The following EGR2 variants were observed in gnomAD, a reference collection of about 807,000 sequenced individuals.
The protein encoded by EGR2 is E3 SUMO-protein ligase EGR2.
A neutral mutation model predicts 21.2 loss-of-function variants in EGR2; 2 were observed. That is an observed-to-expected ratio of 0.09 (90% CI 0.04 to 0.30). The LOEUF is 0.30. EGR2 is among the 10% of genes least tolerant of loss of function. The pLI is 1.00. For missense variants in EGR2, 458 were observed against 630.2 expected (o/e 0.73, Z 2.93); for synonymous variants, 282 against 258.2 (o/e 1.09, Z -0.88).
chr10:62,814,468 T>C lies in EGR2; in HGVS notation c.170A>G (p.Asp57Gly). ...PFDQMNGVAG[D>G]GMINIDMTGE... ...AGTCATGTCAATGTTGATCATGCCA[T>C]CTGGGGAGGGGAAAGGCAGAATGGA... Residue 57 changes from aspartate (D) to glycine (G), a missense_variant and splice_region_variant, in exon 2 of 2, where the codon GAT (aspartate) becomes GGT (glycine). By Grantham distance (94) the Asp-to-Gly change is moderately conservative. This residue lies in a region of EGR2 where 91 missense variants were observed against 105.2 expected (regional missense o/e 0.87). Transcript: ENST00000242480. This position sits in a 1 kb window ranked among gnomAD's most constrained non-coding sequence, Gnocchi z 4.8. 1.2e-6 allele frequency: 2 copies of C among 1,613,984 alleles called. No homozygotes were observed. The highest frequency in any genetic ancestry group is 2.2e-5 in the South Asian group (2 of 91,080).
chr10:62,818,571 TG>T (rs1838309987), upstream of EGR2: 4 of 1,277,494 alleles, frequency 3.1e-6, no homozygotes, highest in African/African-American at 4.6e-5. Context: ...GCCTGCGCTC[TG>T]GCGGGTCCCG....
In EGR2 at chr10:62,813,167, C is replaced by G. The variant is rs765548102; in HGVS notation, c.*40G>C. The G allele has an allele frequency of 3.9e-6, 6 of 1,525,126 alleles. No homozygotes were observed. The South Asian group carries it at 6.5e-5, about 16-fold the overall frequency. The allele number at this position is 1,525,126 out of a possible 1,614,324, so 94.5% of individuals were successfully genotyped here. The stretch of plus-strand genomic sequence containing the variant: ...GCAGCTCCAGTGGACAAAGGGCCTC[C>G]GGGACCTTTGGGAGCTGGTGTATCA... On this transcript the variant is annotated 3_prime_UTR_variant, in exon 2 of 2. Transcript: ENST00000242480. The surrounding 1 kb of genome is among the most constrained non-coding windows in gnomAD (Gnocchi z 5.7).
At position 62,814,238 on chromosome 10, in the gene EGR2, A is replaced by G. The variant is rs1190735629; in HGVS notation, c.400T>C (p.Ser134Pro). The change falls in exon 2 of 2, where the codon TCC becomes CCC. Residue 134 changes from serine to proline, a missense_variant. Transcript: ENST00000242480. The surrounding 1 kb of genome is among the most constrained non-coding windows in gnomAD (Gnocchi z 4.8). ...VTSPASTTAS[S>P]SVTSASPNPL... Reference sequence around the variant, plus strand: ...TTGGGGGAGGCAGAGGTGACGCTGGATGAGGCTGTGGTTGAAGCTGGGGAA... The same window carrying G: ...TTGGGGGAGGCAGAGGTGACGCTGGGTGAGGCTGTGGTTGAAGCTGGGGAA... 1 of 1,614,126 alleles carries G rather than the reference A, an allele frequency of 6.2e-7. No homozygotes were observed. Among genetic ancestry groups the G allele is most frequent in the Admixed American group, 1.7e-5 (1 of 60,006 alleles).
chr10:62,813,795 G>T lies in EGR2; in HGVS notation c.843C>A (p.Thr281=). Reference sequence around the variant, plus strand: ...CGCTGCCTCCACTGGCCCCTGGTCCGGTCACCCCAGCACTGGGGCCCCCCA... The same window carrying T: ...CGCTGCCTCCACTGGCCCCTGGTCCTGTCACCCCAGCACTGGGGCCCCCCA... ...FTLGGPSAGV[T]GPGASGGSEG... The change falls in exon 2 of 2, where the codon ACC becomes ACA. Residue 281 remains threonine (T), a synonymous_variant. Coordinates refer to ENST00000242480, the MANE Select transcript of EGR2 (RefSeq NM_000399.5). This position sits in a 1 kb window ranked among gnomAD's most constrained non-coding sequence, Gnocchi z 5.7. 1 of 1,613,342 alleles carries T rather than the reference G, an allele frequency of 6.2e-7. No homozygotes were observed. Among genetic ancestry groups the T allele is most frequent in the Non-Finnish European group, 8.5e-7 (1 of 1,179,654 alleles).
chr10:62,818,511 A>C (rs1589084458), upstream of EGR2: 1 of 1,169,848 alleles, frequency 8.5e-7, no homozygotes, highest in East Asian at 7.2e-5. Flanking sequence ...GAAAGAAAAG[A>C]AAAGCAAGAA....
chr10:62,815,339 G>A (rs78747659), intron 1 of EGR2, among the ~76,000 whole-genome samples: 3 of 152,242 alleles, frequency 2.0e-5, no homozygotes, highest in African/African-American at 7.2e-5. Flanking sequence ...CTTCGCGGGC[G>A]GCGGGCAGGT....
chr10:62,815,803 AC>A, intron 1 of EGR2, 57 bp downstream of exon 1: 1 of 1,601,572 alleles, frequency 6.2e-7, no homozygotes, highest in Non-Finnish European at 8.5e-7. Context: ...CACCCACTGC[AC>A]CCCATCCACC....
upstream of EGR2, chr10:62,816,503 G>C (rs966937148): frequency 6.3e-6 from 3 of 474,718 alleles, no homozygotes; most frequent in South Asian, 6.2e-5. Context: ...ACACGGGCTC[G>C]GCCGCGCGGA....
Position 62,814,340 on chromosome 10 carries a change from G to A in EGR2, c.298C>T (p.Pro100Ser). ...TAGCAGCTGGCACCAGGGTACTGAGGGTCAATGGAGAACTTGCCCATGTAA... is the reference window on the plus strand; with the variant it reads ...TAGCAGCTGGCACCAGGGTACTGAGAGTCAATGGAGAACTTGCCCATGTAA... ...FTYMGKFSID[P>S]QYPGASCYPE... is the part of the protein sequence containing the mutation. The change falls in exon 2 of 2, where the codon CCT becomes TCT. Residue 100 changes from proline (P) to serine (S), a missense_variant. By Grantham distance (74) the Pro-to-Ser change is moderately conservative. This residue lies in a region of EGR2 where 6 missense variants were observed against 25.4 expected (regional missense o/e 0.24). Transcript: ENST00000242480. The surrounding 1 kb of genome is among the most constrained non-coding windows in gnomAD (Gnocchi z 4.8). 6.2e-7 allele frequency: 1 copy of A among 1,614,134 alleles called. No homozygotes were observed. Among genetic ancestry groups the A allele is most frequent in the Non-Finnish European group, 8.5e-7 (1 of 1,180,008 alleles).
rs577266053 is a variant in EGR2, at chr10:62,814,620, C to T, written c.170-152G>A. Reference sequence around the variant, plus strand: ...TCCAAAAGGTGGGGAAATTGAGGCCCACAGACTGTAAGAAGAGGCCAGCCC... The same window carrying T: ...TCCAAAAGGTGGGGAAATTGAGGCCTACAGACTGTAAGAAGAGGCCAGCCC... On this transcript the variant is annotated intron_variant, in intron 1 of 1. Coordinates refer to ENST00000242480, the MANE Select transcript of EGR2 (RefSeq NM_000399.5). This position sits in a 1 kb window ranked among gnomAD's most constrained non-coding sequence, Gnocchi z 4.8. 44 of 789,422 alleles carry T rather than the reference C, an allele frequency of 5.6e-5. No homozygotes were observed. The South Asian group carries it at 5.8e-4, about 10-fold the overall frequency. 48.9% of individuals were successfully genotyped at this position (789,422 alleles called of 1,614,324 possible). A position where few individuals can be genotyped will look rare whatever the true frequency, so the allele number is the denominator to read the frequency against.
At position 62,816,310 on chromosome 10, in the gene EGR2, T is replaced by A; in HGVS notation, c.-281A>T. 3 of 1,314,126 alleles carry A rather than the reference T, an allele frequency of 2.3e-6. No individual in the cohort carries two copies. In the East Asian group the frequency reaches 1.0e-4, roughly 46 times the overall value. The allele number at this position is 1,314,126 out of a possible 1,614,324, so 81.4% of individuals were successfully genotyped here. On this transcript the variant is annotated 5_prime_UTR_variant, in exon 1 of 2. Transcript: ENST00000242480. ...CCAGGAGTTGCTGGTGTAGTGTTAT[T>A]ATAACAGTCAGTGAGTCCCCTCGCC...
chr10:62,813,052 C>A lies in EGR2; in HGVS notation c.*155G>T. On this transcript the variant is annotated 3_prime_UTR_variant, in exon 2 of 2. Transcript: ENST00000242480. This position sits in a 1 kb window ranked among gnomAD's most constrained non-coding sequence, Gnocchi z 5.7. The stretch of plus-strand genomic sequence containing the variant: ...GCTAAGTTTTAGGAAGAACCTGCTT[C>A]TAGGTGGAAAGGGGGCAGTGCTAGC... The A allele has an allele frequency of 1.2e-6, 1 of 818,998 alleles. No homozygotes were observed. 50.7% of individuals were successfully genotyped at this position (818,998 alleles called of 1,614,324 possible). A position where few individuals can be genotyped will look rare whatever the true frequency, so the allele number is the denominator to read the frequency against.
At position 62,813,033 on chromosome 10, in the gene EGR2, T is replaced by G; in HGVS notation, c.*174A>C. On this transcript the variant is annotated 3_prime_UTR_variant, in exon 2 of 2. Transcript: ENST00000242480. This position sits in a 1 kb window ranked among gnomAD's most constrained non-coding sequence, Gnocchi z 5.7. The stretch of plus-strand genomic sequence containing the variant: ...CTAAGAGAGACTAGAATGGGCTAAG[T>G]TTTAGGAAGAACCTGCTTCTAGGTG... The G allele has an allele frequency of 1.4e-6, 1 of 696,714 alleles. No homozygotes were observed. The highest frequency in any genetic ancestry group is 3.2e-5 in the Admixed American group (1 of 31,176). The allele number at this position is 696,714 out of a possible 1,614,324, so 43.2% of individuals were successfully genotyped here.
In EGR2 at chr10:62,812,885, G is replaced by GTC; in HGVS notation, c.*321_*322insGA. ...TGATGGGTCAAAATAAGGGGAAGTGGGGTAGCAAAACCTAGTCAAACAACC... is the reference window on the plus strand; with the variant it reads ...TGATGGGTCAAAATAAGGGGAAGTGGTCGGTAGCAAAACCTAGTCAAACAACC... On this transcript the variant is annotated 3_prime_UTR_variant, in exon 2 of 2. Transcript: ENST00000242480. 2 of 256,466 alleles carry GTC rather than the reference G, an allele frequency of 7.8e-6. No individual in the cohort carries two copies. The highest frequency in any genetic ancestry group is 1.4e-4 in the South Asian group (1 of 6,958). 15.9% of individuals were successfully genotyped at this position (256,466 alleles called of 1,614,324 possible). A position where few individuals can be genotyped will look rare whatever the true frequency, so the allele number is the denominator to read the frequency against.
upstream of EGR2, chr10:62,818,638 A>G (rs1208626856): frequency 7.9e-7 from 1 of 1,263,686 alleles, no homozygotes; most frequent in Admixed American, 2.5e-5. Context: ...TCCGACTCGC[A>G]TCTCGGGCCC....
At position 62,814,570 on chromosome 10, in the gene EGR2, T is replaced by A; in HGVS notation, c.170-102A>T. On this transcript the variant is annotated intron_variant, in intron 1 of 1. Transcript: ENST00000242480. The surrounding 1 kb of genome is among the most constrained non-coding windows in gnomAD (Gnocchi z 4.8). ...AGGTCCATTTCCAAGGCCGAGAGTC[T>A]CAGCACTGTAGAGCTGTGGCAAAGT... The A allele has an allele frequency of 8.5e-7, 1 of 1,176,562 alleles. No homozygotes were observed. The highest frequency in any genetic ancestry group is 1.3e-6 in the Non-Finnish European group (1 of 796,818). 72.9% of individuals were successfully genotyped at this position (1,176,562 alleles called of 1,614,324 possible).
In EGR2 at chr10:62,814,492, G is replaced by T; in HGVS notation, c.170-24C>A. On this transcript the variant is annotated intron_variant, in intron 1 of 1. Transcript: ENST00000242480. The surrounding 1 kb of genome is among the most constrained non-coding windows in gnomAD (Gnocchi z 4.8). The stretch of plus-strand genomic sequence containing the variant: ...ATCTGGGGAGGGGAAAGGCAGAATG[G>T]AGGTGGAACAATGAAAATACAGCCA... The T allele has an allele frequency of 1.2e-6, 2 of 1,611,418 alleles. No homozygotes were observed. The highest frequency in any genetic ancestry group is 8.5e-7 in the Non-Finnish European group (1 of 1,177,800).
rs1564704814 is a variant in EGR2, at chr10:62,812,498, A to T, written c.*709T>A. 1 of 152,818 alleles carries T rather than the reference A, an allele frequency of 6.5e-6. No individual in the cohort carries two copies. Among genetic ancestry groups the T allele is most frequent in the Non-Finnish European group, 1.5e-5 (1 of 68,048 alleles). 9.5% of individuals were successfully genotyped at this position (152,818 alleles called of 1,614,324 possible). A position where few individuals can be genotyped will look rare whatever the true frequency, so the allele number is the denominator to read the frequency against. On this transcript the variant is annotated 3_prime_UTR_variant, in exon 2 of 2. Transcript: ENST00000242480. ...AGAGAACAGTGTACATCAAAAATACACAAAATCTGAGTGGATATACACTGA... is the reference window on the plus strand; with the variant it reads ...AGAGAACAGTGTACATCAAAAATACTCAAAATCTGAGTGGATATACACTGA...
At chr10:62,815,354 G>C (rs2132710349) in intron 1 of EGR2, among the ~76,000 whole-genome samples, 1 of 152,336 alleles carries the variant, frequency 6.6e-6, no homozygotes, top group Non-Finnish European at 1.5e-5. Flanking sequence ...GCAGGTGGGG[G>C]CGCGCCTCCA....
Sources: gnomAD v4.1 joint callset for allele counts (sites outside exome capture counted in the v4.1 genomes callset) on GRCh38, gnomAD v4.1.1 for gene constraint, gnomAD v4.1.1 regional missense constraint, Gnocchi (gnomAD v3.1) non-coding constraint, MANE v1.5 for transcripts, NCBI Gene and HGNC (gene_info 2026-07-23, HGNC 2026-07-21) for gene names.